The following FHOD1 variants were observed in gnomAD, a reference collection of about 807,000 sequenced individuals.
FHOD1 encodes the protein FH1/FH2 domain-containing protein 1.
In FHOD1, 89 loss-of-function variants were observed where a neutral mutation model predicts 111.6. That is an observed-to-expected ratio of 0.80 (90% CI 0.67 to 0.95). The LOEUF is 0.95. Ranked by LOEUF, FHOD1 falls within the 40% of genes least tolerant of loss-of-function variation. The pLI is 0.00. For synonymous variants in FHOD1, 618 were observed against 639.0 expected, an observed-to-expected ratio of 0.97 and a Z score of 0.50; for missense variants, 1,446 against 1,554.2, an observed-to-expected ratio of 0.93 and a Z score of 1.17.
chr16:67,239,101 C>T, intron 2 of FHOD1, 134 bp from the exon 3 acceptor site: 1 of 895,156 alleles, frequency 1.1e-6, no homozygotes, highest in East Asian at 2.6e-5. Flanking sequence ...TCCAAGAACC[C>T]AAGGGTTGGT....
chr16:67,231,240 G>C lies in FHOD1; in HGVS notation c.2615C>G (p.Pro872Arg). The C allele has an allele frequency of 6.2e-7, 1 of 1,614,218 alleles. No homozygotes were observed. Among genetic ancestry groups the C allele is most frequent in the Non-Finnish European group, 8.5e-7 (1 of 1,180,034 alleles). The change falls in exon 17 of 22, where the codon CCT (proline) becomes CGT (arginine). Residue 872 changes from proline to arginine, a missense_variant. Physicochemically the swap from Pro to Arg is moderately radical, Grantham distance 103. Coordinates refer to ENST00000258201, the MANE Select transcript of FHOD1 (RefSeq NM_013241.3). The surrounding 1 kb of genome is among the most constrained non-coding windows in gnomAD (Gnocchi z 4.3). ...HLCSLVLQTR[P>R]ESSDLYSEIP... ...TTCTGAATAGAGGTCAGAGGACTCA[G>C]GCCGGGTCTGGAGCACTAGGGAGCA...
chr16:67,246,740 A>G (rs749202433), intron 1 of FHOD1, among the ~76,000 whole-genome samples: 22 of 152,240 alleles, frequency 1.4e-4, no homozygotes, highest in South Asian at 4.2e-4. Context: ...TCAAGCCCCA[A>G]TCCAGCTTCC....
At position 67,238,250 on chromosome 16, in the gene FHOD1, G is replaced by T; in HGVS notation, c.499C>A (p.Arg167Ser). Residue 167 changes from arginine (R) to serine (S), a missense_variant, in exon 5 of 22, where the codon CGT becomes AGT. This residue lies in a region of FHOD1 where 234 missense variants were observed against 327.4 expected (regional missense o/e 0.71). Coordinates refer to ENST00000258201, the MANE Select transcript of FHOD1 (RefSeq NM_013241.3). The surrounding 1 kb of genome is among the most constrained non-coding windows in gnomAD (Gnocchi z 4.2). ...TTGTGGTCGGCAGCAGCACCCACAC[G>T]GATCAGGCAGCTCAGCCCCTCTGAA... The part of the protein sequence containing the change: ...VHSEGLSCLI[R>S]VGAAADHNYQ... 6.2e-7 allele frequency: 1 copy of T among 1,614,152 alleles called. No individual in the cohort carries two copies. Among genetic ancestry groups the T allele is most frequent in the South Asian group, 1.1e-5 (1 of 91,082 alleles).
intron 1 of FHOD1, among the ~76,000 whole-genome samples, chr16:67,245,976 C>T (rs1044668170): frequency 1.3e-5 from 2 of 152,214 alleles, no homozygotes; most frequent in Non-Finnish European, 2.9e-5. Context: ...CCTCAATTTG[C>T]CCCTCTGAAT....
intron 10 of FHOD1, 44 bp downstream of exon 10, chr16:67,236,922 C>G: frequency 6.5e-7 from 1 of 1,535,932 alleles, no homozygotes; most frequent in Non-Finnish European, 8.7e-7. Context: ...CTGGGCCATG[C>G]CTAGTAGATC....
At chr16:67,245,366 C>G (rs143691476) in intron 1 of FHOD1, among the ~76,000 whole-genome samples, 1 of 152,130 alleles carries the variant, frequency 6.6e-6, no homozygotes, top group Admixed American at 6.5e-5. Flanking sequence ...GGTGGGGACA[C>G]GGGTCCCATG....
chr16:67,230,394 G>A lies in FHOD1; in HGVS notation c.2971C>T (p.Arg991Trp), dbSNP rs116268850. The A allele has an allele frequency of 2.9e-4, 462 of 1,614,220 alleles. 3 individuals carry two copies. The African/African-American group carries it at 5.3e-3, about 19-fold the overall frequency. The change falls in exon 19 of 22, where the codon CGG becomes TGG. Residue 991 changes from arginine (R) to tryptophan (W), a missense_variant. By Grantham distance (101) the Arg-to-Trp change is moderately radical. This residue lies in a region of FHOD1 where 1,085 missense variants were observed against 1,108.8 expected (regional missense o/e 0.98). Coordinates refer to ENST00000258201, the MANE Select transcript of FHOD1 (RefSeq NM_013241.3). ...REFALEYRTC[R>W]ERVLQQQQKQ... ...TGCTGCTGCTGTAGCACTCGTTCCC[G>A]GCAAGTCCGATACTCAAGCGCAAAT...
chr16:67,232,512 C>G (rs1567385454), intron 13 of FHOD1, among the ~76,000 whole-genome samples: 1 of 129,182 alleles, frequency 7.7e-6, no homozygotes, highest in Non-Finnish European at 1.6e-5. Context: ...GAGCAAGACT[C>G]TGTCTCAAAA....
chr16:67,230,164 C>T lies in FHOD1; in HGVS notation c.3116G>A (p.Ser1039Asn). 2.5e-6 allele frequency: 4 copies of T among 1,614,180 alleles called. No individual in the cohort carries two copies. Among genetic ancestry groups the T allele is most frequent in the Non-Finnish European group, 3.4e-6 (4 of 1,180,014 alleles). ...AGCATCTCCCCGGCCTGGCCCGCTG[C>T]TCACTGCTACTGGGACAGAGGGGTT... is the stretch of plus-strand genomic sequence containing the variant. Reference protein sequence around the residue: ...PSNPSVPVAVSSGPGRGDADS... With the variant: ...PSNPSVPVAVNSGPGRGDADS... Residue 1039 changes from serine (S) to asparagine (N), a missense_variant, in exon 20 of 22, where the codon AGC (serine) becomes AAC (asparagine). Around this residue, in one of 3 missense-constraint regions of FHOD1, gnomAD observed 1,085 missense variants for 1,108.8 expected, o/e 0.98. Transcript: ENST00000258201.
Position 67,238,696 on chromosome 16 carries a change from C to A in FHOD1, c.373+207G>T. ...CCTCTCAAAGCACTGGCATTGGAGG[C>A]ATGAGCTACCACGCCTGGTCTATTC... On this transcript the variant is annotated intron_variant, in intron 3 of 21. Transcript: ENST00000258201. This position sits in a 1 kb window ranked among gnomAD's most constrained non-coding sequence, Gnocchi z 4.2. The A allele has an allele frequency of 1.5e-6, 1 of 654,850 alleles. No individual in the cohort carries two copies. Among genetic ancestry groups the A allele is most frequent in the Non-Finnish European group, 2.7e-6 (1 of 369,474 alleles). The allele number at this position is 654,850 out of a possible 1,614,324, so 40.6% of individuals were successfully genotyped here.
Position 67,233,927 on chromosome 16 carries a change from T to C in FHOD1, c.1776A>G (p.Pro592=). ...VPPPPPLPPP[P]PIKGPFPPPP... ...GTGGTGGGAAGGGGCCTTTGATGGG[T>C]GGGGGAGGTGGAAGTGGGGGAGGGG... The change falls in exon 13 of 22, where the codon CCA becomes CCG. Residue 592 remains proline (P), a synonymous_variant. Coordinates refer to ENST00000258201, the MANE Select transcript of FHOD1 (RefSeq NM_013241.3). 5.7e-6 allele frequency: 1 copy of C among 175,150 alleles called. No individual in the cohort carries two copies. Among genetic ancestry groups the C allele is most frequent in the Non-Finnish European group, 9.4e-6 (1 of 105,826 alleles). The allele number at this position is 175,150 out of a possible 1,614,324, so 10.8% of individuals were successfully genotyped here.
chr16:67,246,260 G>A (rs1457110682), intron 1 of FHOD1, among the ~76,000 whole-genome samples: 3 of 152,172 alleles, frequency 2.0e-5, no homozygotes, highest in Non-Finnish European at 4.4e-5. Context: ...GCAGGGGAGG[G>A]CACCCACCCC....
intron 18 of FHOD1, 34 bp downstream of exon 18, chr16:67,230,567 G>A (rs764392630): frequency 1.2e-6 from 2 of 1,613,378 alleles, no homozygotes; most frequent in Admixed American, 3.3e-5. Context: ...GGAGGGTGGT[G>A]GCCGTCCTGC....
intron 1 of FHOD1, among the ~76,000 whole-genome samples, chr16:67,244,663 C>T (rs766619964): frequency 1.3e-5 from 2 of 152,136 alleles, no homozygotes; most frequent in Non-Finnish European, 2.9e-5. Context: ...GGCCTCTGTA[C>T]ATCCCCAGGG....
At position 67,247,271 on chromosome 16, in the gene FHOD1, C is replaced by G; in HGVS notation, c.140G>C (p.Gly47Ala). Residue 47 changes from glycine (G) to alanine (A), a missense_variant, in exon 1 of 22, where the codon GGG becomes GCG. Gly to Ala is a moderately conservative substitution (Grantham distance 60). Around this residue, in one of 3 missense-constraint regions of FHOD1, gnomAD observed 127 missense variants for 118.0 expected, o/e 1.08. Transcript: ENST00000258201. ...TATCTGCGCGCCCAAGGGCAGCGCC[C>G]CGTCCAGGCTGCAGGTGGGGGCCCG... ...PRRAPTCSLDGALPLGAQIPA... is the reference protein window; with the variant it reads ...PRRAPTCSLDAALPLGAQIPA... The G allele has an allele frequency of 1.2e-6, 2 of 1,611,928 alleles. No homozygotes were observed. The highest frequency in any genetic ancestry group is 2.2e-5 in the South Asian group (2 of 90,932).
In FHOD1 at chr16:67,238,520, A is replaced by G. The variant is rs1567393184; in HGVS notation, c.374-73T>C. 10 of 1,331,740 alleles carry G rather than the reference A, an allele frequency of 7.5e-6. No individual in the cohort carries two copies. The highest frequency in any genetic ancestry group is 3.7e-5 in the South Asian group (3 of 80,968). 82.5% of individuals were successfully genotyped at this position (1,331,740 alleles called of 1,614,324 possible). ...CTTCCTCTGCTTGGATACAACCACA[A>G]CTCTCCACCAAAGAATAGTCTAATA... On this transcript the variant is annotated intron_variant, in intron 3 of 21. Transcript: ENST00000258201. This position sits in a 1 kb window ranked among gnomAD's most constrained non-coding sequence, Gnocchi z 4.2.
chr16:67,236,272 G>T, intron 11 of FHOD1: 1 of 872,890 alleles, frequency 1.1e-6, no homozygotes, highest in Non-Finnish European at 1.6e-6. Context: ...GACAGAGGCA[G>T]CAGAACAAGG....
In FHOD1 at chr16:67,231,608, C is replaced by G. The variant is rs2034274717; in HGVS notation, c.2385+29G>C. The G allele has an allele frequency of 6.2e-7, 1 of 1,614,034 alleles. No homozygotes were observed. Among genetic ancestry groups the G allele is most frequent in the Non-Finnish European group, 8.5e-7 (1 of 1,179,994 alleles). On this transcript the variant is annotated intron_variant, in intron 15 of 21. Transcript: ENST00000258201. This position sits in a 1 kb window ranked among gnomAD's most constrained non-coding sequence, Gnocchi z 4.3. ...TGGTCATGATGCTTACCTGTCCCTA[C>G]TGACTGTCCCACTCCAAGACCCAGG...
intron 13 of FHOD1, among the ~76,000 whole-genome samples, chr16:67,232,843 G>C (rs568845034): frequency 2.0e-5 from 3 of 147,616 alleles, no homozygotes; most frequent in Admixed American, 6.8e-5. Flanking sequence ...TTTTTTTTCC[G>C]CCTCCCAGGT....
Sources: allele counts gnomAD v4.1 joint callset (sites outside exome capture counted in the v4.1 genomes callset), GRCh38; gene constraint gnomAD v4.1.1; regional missense constraint gnomAD v4.1.1; non-coding constraint Gnocchi (gnomAD v3.1); transcripts MANE v1.5; gene names NCBI Gene and HGNC (gene_info 2026-07-23, HGNC 2026-07-21).